The following PTCH1 variants were observed in gnomAD, a reference collection of about 807,000 sequenced individuals.
The protein encoded by PTCH1 is patched 1.
A neutral mutation model predicts 144.6 loss-of-function variants in PTCH1; 14 were observed. That is an observed-to-expected ratio of 0.10 (90% CI 0.06 to 0.15). PTCH1 has a LOEUF of 0.15. PTCH1 is among the 10% of genes least tolerant of loss of function. The pLI is 1.00. For synonymous variants in PTCH1, 833 were observed against 793.6 expected, an observed-to-expected ratio of 1.05 and a Z score of -0.83; for missense variants, 1,623 against 1,948.3, an observed-to-expected ratio of 0.83 and a Z score of 3.14.
At chr9:95,460,349 G>C (rs145966820) in intron 16 of PTCH1, among the ~76,000 whole-genome samples, 1 of 152,176 alleles carries the variant, frequency 6.6e-6, no homozygotes, top group African/African-American at 2.4e-5. Flanking sequence ...TCTTATTCCC[G>C]GAGGTCGTAG....
chr9:95,467,189 C>G lies in PTCH1; in HGVS notation c.2487G>C (p.Val829=), dbSNP rs774573762. Residue 829 remains valine (V), a synonymous_variant, in exon 15 of 24, where the codon GTG becomes GTC. Coordinates refer to ENST00000331920, the MANE Select transcript of PTCH1 (RefSeq NM_000264.5). ...LYDLHRSFSN[V]KYVMLEENKQ... ...TGTTTTCTTCCAACATGACATACTT[C>G]ACGTTACTGAAACTCCTGTGTAGGT... is the stretch of plus-strand genomic sequence containing the variant. 1.3e-5 allele frequency: 21 copies of G among 1,614,246 alleles called. No individual in the cohort carries two copies. The highest frequency in any genetic ancestry group is 1.8e-5 in the Non-Finnish European group (21 of 1,180,044).
chr9:95,469,111 G>A lies in PTCH1; in HGVS notation c.1890C>T (p.Tyr630=), dbSNP rs2118058472. ...SRVIQVEPQA[Y]TDTHDNTRYS... Reference sequence around the variant, plus strand: ...AGCGGGTATTGTCGTGTGTGTCGGTGTAGGCCTGAGGTTCAACCTGAATCA... The same window carrying A: ...AGCGGGTATTGTCGTGTGTGTCGGTATAGGCCTGAGGTTCAACCTGAATCA... The change falls in exon 14 of 24, where the codon TAC becomes TAT. Residue 630 remains tyrosine, a synonymous_variant. Transcript: ENST00000331920. The A allele has an allele frequency of 1.2e-6, 2 of 1,614,124 alleles. No homozygotes were observed. Among genetic ancestry groups the A allele is most frequent in the Non-Finnish European group, 1.7e-6 (2 of 1,180,040 alleles).
At position 95,508,267 on chromosome 9, in the gene PTCH1, C is replaced by G. The variant is rs746923835; in HGVS notation, c.95G>C (p.Arg32Thr). The change falls in exon 1 of 24, where the codon AGG becomes ACG. Residue 32 changes from arginine to threonine, a missense_variant. This residue lies in a region of PTCH1 where 245 missense variants were observed against 240.6 expected (regional missense o/e 1.02). Coordinates refer to ENST00000331920, the MANE Select transcript of PTCH1 (RefSeq NM_000264.5). Reference protein sequence around the residue: ...GAPGRPAGGGRRRRTGGLRRA... With the variant: ...GAPGRPAGGGTRRRTGGLRRA... Reference sequence around the variant, plus strand: ...GCGCAGCCCCCCCGTCCGTCTGCGCCTCCCGCCTCCAGCCGGCCGTCCCGG... The same window carrying G: ...GCGCAGCCCCCCCGTCCGTCTGCGCGTCCCGCCTCCAGCCGGCCGTCCCGG... 1.3e-6 allele frequency: 2 copies of G among 1,578,924 alleles called. No individual in the cohort carries two copies. Among genetic ancestry groups the G allele is most frequent in the Admixed American group, 1.8e-5 (1 of 56,890 alleles).
chr9:95,452,934 T>C (rs904550724), intron 20 of PTCH1: 11 of 174,516 alleles, frequency 6.3e-5, no homozygotes, highest in African/African-American at 1.4e-4. Context: ...AGCTGCAGAG[T>C]TGTCTTTGCT....
chr9:95,482,242 T>A (rs1181397182), intron 3 of PTCH1, 39 bp from the exon 4 acceptor site: 1 of 1,582,102 alleles, frequency 6.3e-7, no homozygotes, highest in Non-Finnish European at 8.7e-7. Flanking sequence ...TTTCTCACTG[T>A]AATAAGAAAA....
exon 1 of PTCH1, chr9:95,516,479 C>A (rs772457145): frequency 6.6e-7 from 1 of 1,526,320 alleles, no homozygotes; most frequent in South Asian, 1.2e-5. Flanking sequence ...CATAGCCGGC[C>A]GTCAACCCCT....
chr9:95,468,676 G>T, intron 14 of PTCH1, 75 bp downstream of exon 14: 1 of 1,558,170 alleles, frequency 6.4e-7, no homozygotes, highest in Non-Finnish European at 8.8e-7. Context: ...AAGAAAAGTA[G>T]AAGCAATCTG....
chr9:95,480,629 T>G (rs923164909), intron 5 of PTCH1, 41 bp from the exon 6 acceptor site: 5 of 1,579,586 alleles, frequency 3.2e-6, no homozygotes. Context: ...AAAAGAGCCT[T>G]CTAAACGCAT....
chr9:95,490,542 C>T (rs1367566435), intron 2 of PTCH1, among the ~76,000 whole-genome samples: 4 of 151,666 alleles, frequency 2.6e-5, no homozygotes, highest in Non-Finnish European at 4.4e-5. Context: ...CACACACACA[C>T]ACACACACAC....
At position 95,467,174 on chromosome 9, in the gene PTCH1, C is replaced by G. The variant is rs2117950549; in HGVS notation, c.2502G>C (p.Leu834Phe). The change falls in exon 15 of 24, where the codon TTG becomes TTC. Residue 834 changes from leucine (L) to phenylalanine (F), a missense_variant. Transcript: ENST00000331920. ...RSFSNVKYVM[L>F]EENKQLPKMW... Reference sequence around the variant, plus strand: ...TTTTGGGAAGCTGTTTGTTTTCTTCCAACATGACATACTTCACGTTACTGA... The same window carrying G: ...TTTTGGGAAGCTGTTTGTTTTCTTCGAACATGACATACTTCACGTTACTGA... The G allele has an allele frequency of 3.7e-6, 6 of 1,614,196 alleles. No individual in the cohort carries two copies. Among genetic ancestry groups the G allele is most frequent in the Non-Finnish European group, 5.1e-6 (6 of 1,180,046 alleles).
intron 12 of PTCH1, among the ~76,000 whole-genome samples, chr9:95,473,169 TGGCATTTA>T (rs1460947561): frequency 1.3e-5 from 2 of 152,232 alleles, no homozygotes; most frequent in Non-Finnish European, 2.9e-5. Context: ...GGTGTAGAGA[TGGCATTTA>T]GGCAGATGGA....
chr9:95,489,510 A>G (rs551399975), intron 2 of PTCH1, among the ~76,000 whole-genome samples: 15 of 152,158 alleles, frequency 9.9e-5, no homozygotes, highest in East Asian at 3.9e-4. Flanking sequence ...CACCATGCCC[A>G]GCTAACTTTT....
intron 2 of PTCH1, among the ~76,000 whole-genome samples, chr9:95,490,519 TGACACA>T (rs1231531176): frequency 6.7e-5 from 8 of 119,830 alleles, no homozygotes; most frequent in African/African-American, 2.4e-4. Context: ...ACCTTCTATG[TGACACA>T]CACACACACA....
chr9:95,457,854 A>G (rs1839077460), intron 18 of PTCH1, among the ~76,000 whole-genome samples, 159 bp downstream of exon 18: 1 of 152,212 alleles, frequency 6.6e-6, no homozygotes, highest in African/African-American at 2.4e-5. Context: ...GTTCTACCTT[A>G]ACCATGGACC....
chr9:95,469,062 T>C lies in PTCH1; in HGVS notation c.1939A>G (p.Ser647Gly). 2 of 1,613,882 alleles carry C rather than the reference T, an allele frequency of 1.2e-6. No individual in the cohort carries two copies. Among genetic ancestry groups the C allele is most frequent in the Non-Finnish European group, 1.7e-6 (2 of 1,179,968 alleles). The change falls in exon 14 of 24, where the codon AGC becomes GGC. Residue 647 changes from serine to glycine, a missense_variant. Ser to Gly is a moderately conservative substitution (Grantham distance 56, BLOSUM62 0). Transcript: ENST00000331920. The stretch of plus-strand genomic sequence containing the variant: ...TGCGTTTCATGGGCAAAGCTGTGGC[T>C]GCTGTAGGGAGGTGGGGGGCTGTAG... ...TRYSPPPPYS[S>G]HSFAHETQIT...
At chr9:95,487,439 A>T (rs994490669) in intron 2 of PTCH1, among the ~76,000 whole-genome samples, 1 of 152,276 alleles carries the variant, frequency 6.6e-6, no homozygotes, top group East Asian at 1.9e-4. Flanking sequence ...ACAGAGAAGC[A>T]TCTACCTACT....
intron 19 of PTCH1, among the ~76,000 whole-genome samples, chr9:95,455,026 A>T (rs973507468): frequency 3.9e-5 from 6 of 152,230 alleles, no homozygotes; most frequent in Non-Finnish European, 7.3e-5. Context: ...CTTTTGAAGA[A>T]CTGTATTGGA....
chr9:95,475,328 C>A (rs1467496402), intron 12 of PTCH1, among the ~76,000 whole-genome samples: 1 of 152,152 alleles, frequency 6.6e-6, no homozygotes, highest in East Asian at 1.9e-4. Flanking sequence ...GGACAAGTCA[C>A]GAGGGGCCCA....
chr9:95,450,078 A>C (rs1838334021), intron 20 of PTCH1, 138 bp from the exon 21 acceptor site: 2 of 785,150 alleles, frequency 2.5e-6, no homozygotes, highest in East Asian at 5.4e-5. Context: ...ATCCAACCGC[A>C]GTTCACATTC....
Sources: allele counts gnomAD v4.1 joint callset (sites outside exome capture counted in the v4.1 genomes callset), GRCh38; gene constraint gnomAD v4.1.1; regional missense constraint gnomAD v4.1.1; transcripts MANE v1.5; gene names NCBI Gene and HGNC (gene_info 2026-07-23, HGNC 2026-07-21).